The following ZEB1 variants were observed in gnomAD, a reference collection of about 807,000 sequenced individuals.
ZEB1 encodes zinc finger E-box-binding homeobox 1.
Under a neutral mutation model 84.9 loss-of-function variants are expected in ZEB1, and 21 were observed. The ratio of observed to expected loss-of-function variants is 0.25; its 90% CI spans 0.18 to 0.36. The LOEUF is 0.36. ZEB1 is among the 10% of genes least tolerant of loss of function. ZEB1 has a pLI of 1.00. For synonymous variants in ZEB1, 420 were observed against 471.1 expected, an observed-to-expected ratio of 0.89 and a Z score of 1.41; for missense variants, 1,104 against 1,330.2, an observed-to-expected ratio of 0.83 and a Z score of 2.65.
intron 1 of ZEB1, among the ~76,000 whole-genome samples, chr10:31,324,565 A>G (rs2035024335): frequency 1.3e-5 from 2 of 152,068 alleles, no homozygotes; most frequent in African/African-American, 4.8e-5. Flanking sequence ...GATATGCATT[A>G]GTGTGCAAGA....
At chr10:31,403,323 G>C (rs1173319560) in intron 1 of ZEB1, among the ~76,000 whole-genome samples, 1 of 151,898 alleles carries the variant, frequency 6.6e-6, no homozygotes, top group East Asian at 1.9e-4. Flanking sequence ...CCAGGTAATA[G>C]TTATTGTTGC....
intron 8 of ZEB1, among the ~76,000 whole-genome samples, chr10:31,525,347 C>G (rs550835173): frequency 6.6e-6 from 1 of 152,260 alleles, no homozygotes; most frequent in South Asian, 2.1e-4. Flanking sequence ...ATTTTAACAC[C>G]TGGTTCTCTG....
At chr10:31,487,593 A>G (rs696206) in intron 2 of ZEB1, among the ~76,000 whole-genome samples, 4,660 of 151,328 alleles carry the variant, frequency 0.031, 93 homozygotes, top group Non-Finnish European at 0.05. Context: ...TTTTCTGCAA[A>G]TAGGGACATT....
At chr10:31,321,593 G>A in intron 1 of ZEB1, 1 of 1,613,352 alleles carries the variant, frequency 6.2e-7, no homozygotes, top group Non-Finnish European at 8.5e-7. Flanking sequence ...GATCGCCAGA[G>A]AAAGGGGCTT....
intron 1 of ZEB1, among the ~76,000 whole-genome samples, chr10:31,366,931 A>G (rs1422681690): frequency 6.6e-6 from 1 of 152,188 alleles, no homozygotes; most frequent in Non-Finnish European, 1.5e-5. Flanking sequence ...TTAGCATTCC[A>G]CATACAGTTA....
chr10:31,422,615 T>C (rs1311452229), intron 1 of ZEB1, among the ~76,000 whole-genome samples: 1 of 152,164 alleles, frequency 6.6e-6, no homozygotes, highest in Non-Finnish European at 1.5e-5. Context: ...AACATAGCTT[T>C]CATATCAGAA....
chr10:31,448,440 G>T (rs1465497209), intron 1 of ZEB1, among the ~76,000 whole-genome samples: 1 of 147,090 alleles, frequency 6.8e-6, no homozygotes, highest in South Asian at 2.2e-4. Context: ...ATCCAGCTTT[G>T]TTCCGTTGCT....
At chr10:31,385,752 T>A (rs1438082755) in intron 1 of ZEB1, among the ~76,000 whole-genome samples, 1 of 152,146 alleles carries the variant, frequency 6.6e-6, no homozygotes, top group Non-Finnish European at 1.5e-5. Flanking sequence ...GGTCTCGAAC[T>A]CCTGACCTCG....
At chr10:31,385,514 C>CT (rs753828210) in intron 1 of ZEB1, among the ~76,000 whole-genome samples, 3 of 149,810 alleles carry the variant, frequency 2.0e-5, no homozygotes, top group Non-Finnish European at 3.0e-5. Flanking sequence ...TTTTTCTTTT[C>CT]TTTTTTTCTT....
chr10:31,479,030 TAAAAA>T (rs1407821950), intron 2 of ZEB1, among the ~76,000 whole-genome samples: 6 of 151,576 alleles, frequency 4.0e-5, no homozygotes, highest in Admixed American at 1.3e-4. Flanking sequence ...TCTAAAATCT[TAAAAA>T]AAGAAATTTA....
At chr10:31,373,291 T>C in intron 1 of ZEB1, 1 of 905,166 alleles carries the variant, frequency 1.1e-6, no homozygotes, top group Non-Finnish European at 1.3e-6. Flanking sequence ...TGACAAGTGT[T>C]TGAATTTTAT....
intron 2 of ZEB1, among the ~76,000 whole-genome samples, chr10:31,486,117 TTATC>T (rs748044613): frequency 3.9e-4 from 60 of 151,946 alleles, no homozygotes; most frequent in Non-Finnish European, 7.4e-4. Context: ...GTGCCACAGT[TTATC>T]CATTCATTAG....
At chr10:31,464,764 A>G (rs543791846) in intron 2 of ZEB1, among the ~76,000 whole-genome samples, 2 of 152,344 alleles carry the variant, frequency 1.3e-5, no homozygotes, top group South Asian at 4.1e-4. Flanking sequence ...CTGACCAAGC[A>G]TACTATACCC....
At chr10:31,417,795 T>G (rs2055471873) in intron 1 of ZEB1, among the ~76,000 whole-genome samples, 1 of 151,936 alleles carries the variant, frequency 6.6e-6, no homozygotes, top group African/African-American at 2.4e-5. Flanking sequence ...AGTGCTTGAT[T>G]CAGTAAAAAA....
At chr10:31,437,572 T>G (rs943236517) in intron 1 of ZEB1, among the ~76,000 whole-genome samples, 7 of 152,204 alleles carry the variant, frequency 4.6e-5, no homozygotes, top group Non-Finnish European at 8.8e-5. Context: ...TTTACAAAAC[T>G]AGGCTCAGGG....
chr10:31,517,351 A>G (rs2071341935), intron 6 of ZEB1, among the ~76,000 whole-genome samples: 1 of 152,054 alleles, frequency 6.6e-6, no homozygotes, highest in African/African-American at 2.4e-5. Flanking sequence ...ATCATGAGGA[A>G]AAGGCTACCA....
chr10:31,524,810 C>T (rs1286216257), intron 8 of ZEB1, among the ~76,000 whole-genome samples: 1 of 152,172 alleles, frequency 6.6e-6, no homozygotes, highest in Admixed American at 6.5e-5. Flanking sequence ...GAAAAAGCTG[C>T]TTCATAAGCA....
intron 1 of ZEB1, chr10:31,363,749 A>G: frequency 1.6e-6 from 2 of 1,223,040 alleles, no homozygotes; most frequent in South Asian, 1.3e-5. Context: ...TTCTTCCTTG[A>G]GGGGGGGCTC....
intron 1 of ZEB1, among the ~76,000 whole-genome samples, chr10:31,337,685 T>G (rs1431352166): frequency 4.7e-5 from 6 of 128,254 alleles, no homozygotes; most frequent in African/African-American, 2.3e-4. Context: ...TTCTTTCTGT[T>G]TTTTTTTTTT....
Sources: gnomAD v4.1 joint callset for allele counts (sites outside exome capture counted in the v4.1 genomes callset) on GRCh38, gnomAD v4.1.1 for gene constraint, MANE v1.5 for transcripts, NCBI Gene and HGNC (gene_info 2026-07-23, HGNC 2026-07-21) for gene names.